Variants in PTCSC3 observed in about 807,000 individuals in gnomAD.
PTCSC3 encodes the protein papillary thyroid carcinoma susceptibility candidate 3 (non-protein coding).
At chr14:36,164,438 C>A (rs995377765) in intron 1 of PTCSC3, among the ~76,000 whole-genome samples, 7 of 152,160 alleles carry the variant, frequency 4.6e-5, no homozygotes. Flanking sequence ...CAAGCAATTT[C>A]AAAGTTGTAA....
intron 3 of PTCSC3, among the ~76,000 whole-genome samples, chr14:36,138,295 C>A (rs1022409409): frequency 3.3e-5 from 5 of 152,088 alleles, no homozygotes; most frequent in Non-Finnish European, 7.4e-5. Flanking sequence ...AGAATATGTC[C>A]TTGGTATAGG....
At chr14:36,160,822 C>A (rs1320021025) in intron 2 of PTCSC3, among the ~76,000 whole-genome samples, 1 of 152,118 alleles carries the variant, frequency 6.6e-6, no homozygotes, top group Non-Finnish European at 1.5e-5. Context: ...GAGTGTTTTC[C>A]AACTTGGTTT....
At chr14:36,159,110 C>CT (rs1206460020) in intron 2 of PTCSC3, among the ~76,000 whole-genome samples, 2 of 151,548 alleles carry the variant, frequency 1.3e-5, no homozygotes, top group Non-Finnish European at 2.9e-5. Flanking sequence ...TCCCCTTTAT[C>CT]TTTTTTTATT....
chr14:36,150,519 G>A (rs1881696946), intron 3 of PTCSC3, among the ~76,000 whole-genome samples: 1 of 152,174 alleles, frequency 6.6e-6, no homozygotes. Flanking sequence ...TGTTATAGCA[G>A]CCTGAAGGGA....
chr14:36,164,646 A>G (rs1882048166), intron 1 of PTCSC3, among the ~76,000 whole-genome samples: 1 of 152,176 alleles, frequency 6.6e-6, no homozygotes, highest in African/African-American at 2.4e-5. Context: ...CTCAGTTTTC[A>G]TACATAGACA....
chr14:36,158,524 T>C (rs1881878714), intron 2 of PTCSC3, among the ~76,000 whole-genome samples: 1 of 152,226 alleles, frequency 6.6e-6, no homozygotes, highest in African/African-American at 2.4e-5. Context: ...TGTGGTTTTG[T>C]CATTGGTTCT....
intron 3 of PTCSC3, among the ~76,000 whole-genome samples, chr14:36,145,806 T>G (rs1321035851): frequency 1.3e-3 from 195 of 149,680 alleles, no homozygotes; most frequent in African/African-American, 4.5e-3. Flanking sequence ...TTTAGTGCTA[T>G]AAATTTCCCT....
At chr14:36,163,067 C>T (rs1882003373) in intron 1 of PTCSC3, among the ~76,000 whole-genome samples, 1 of 148,636 alleles carries the variant, frequency 6.7e-6, no homozygotes, top group Non-Finnish European at 1.5e-5. Flanking sequence ...GTACTTGTCT[C>T]AGGTTCTGTT....
At chr14:36,143,768 C>T (rs971936456) in intron 3 of PTCSC3, among the ~76,000 whole-genome samples, 1 of 144,364 alleles carries the variant, frequency 6.9e-6, no homozygotes, top group Non-Finnish European at 1.5e-5. Context: ...CCTAGGTTTT[C>T]TTCTAGGGTT....
chr14:36,146,465 TC>T (rs1881570500), intron 3 of PTCSC3, among the ~76,000 whole-genome samples: 1 of 151,572 alleles, frequency 6.6e-6, no homozygotes, highest in Admixed American at 6.6e-5. Flanking sequence ...GTCTGTTTTA[TC>T]AGAGACTAGG....
At chr14:36,169,237 A>G (rs1042421332) in intron 1 of PTCSC3, among the ~76,000 whole-genome samples, 1 of 152,088 alleles carries the variant, frequency 6.6e-6, no homozygotes, top group African/African-American at 2.4e-5. Context: ...TTTTAAATCT[A>G]TGGAAAATGT....
intron 1 of PTCSC3, among the ~76,000 whole-genome samples, chr14:36,169,785 A>G (rs1269937341): frequency 6.6e-6 from 1 of 152,194 alleles, no homozygotes; most frequent in East Asian, 1.9e-4. Context: ...TTGGGGAAGA[A>G]CATTGCCACT....
chr14:36,145,930 A>G (rs993815512), intron 3 of PTCSC3, among the ~76,000 whole-genome samples: 10 of 151,814 alleles, frequency 6.6e-5, no homozygotes, highest in East Asian at 5.8e-4. Context: ...CCCAGTAGTC[A>G]TTCAGGAGCA....
At chr14:36,174,978 A>T (rs1199206330) in intron 1 of PTCSC3, among the ~76,000 whole-genome samples, 1 of 152,164 alleles carries the variant, frequency 6.6e-6, no homozygotes, top group Non-Finnish European at 1.5e-5. Context: ...TTTCAACTGC[A>T]TAGCATCTGA....
Position 36,148,318 on chromosome 14 carries a change from C to G in PTCSC3, n.322+5486G>C, listed in dbSNP as rs112108063. Among the ~76,000 whole-genome samples, 996 of 152,296 alleles carry G rather than the reference C, an allele frequency of 6.5e-3. 7 individuals are homozygous for G. The highest frequency in any genetic ancestry group is 0.023 in the African/African-American group (951 of 41,544). The stretch of plus-strand genomic sequence containing the variant: ...TGCTGTGCTAGCAATCAGCGAGACT[C>G]CATAGGCATAGGACCCTCCGAGCCA... On this transcript the variant is annotated intron_variant and non_coding_transcript_variant, in intron 3 of 3. Transcript: ENST00000556013.
At chr14:36,156,129 G>C (rs1423735360) in intron 2 of PTCSC3, among the ~76,000 whole-genome samples, 1 of 152,160 alleles carries the variant, frequency 6.6e-6, no homozygotes, top group Non-Finnish European at 1.5e-5. Context: ...TGGTCTGTGG[G>C]TTCTGCCTGG....
chr14:36,173,137 T>A (rs1456656657), intron 1 of PTCSC3, among the ~76,000 whole-genome samples: 1 of 152,142 alleles, frequency 6.6e-6, no homozygotes, highest in Admixed American at 6.5e-5. Context: ...ATAGCAAAAT[T>A]AGGTATTTAA....
intron 1 of PTCSC3, among the ~76,000 whole-genome samples, chr14:36,172,945 TG>T (rs576071985): frequency 4.8e-4 from 72 of 150,152 alleles, no homozygotes; most frequent in African/African-American, 1.7e-3. Flanking sequence ...AAACTTGCTT[TG>T]TTTTTTTTTT....
intron 3 of PTCSC3, among the ~76,000 whole-genome samples, chr14:36,138,946 C>T (rs2139086382): frequency 6.6e-6 from 1 of 151,970 alleles, no homozygotes; most frequent in Middle Eastern, 3.4e-3. Flanking sequence ...AACCCCGTCT[C>T]TACTAAAAAT....
Sources: gnomAD v4.1 joint callset for allele counts (sites outside exome capture counted in the v4.1 genomes callset) on GRCh38, gnomAD v4.1.1 for gene constraint, MANE v1.5 for transcripts, NCBI Gene and HGNC (gene_info 2026-07-23, HGNC 2026-07-21) for gene names.